The following HS2ST1 variants were observed in gnomAD, a reference collection of about 807,000 sequenced individuals.
The protein encoded by HS2ST1 is 2-O-sulfotransferase.
A neutral mutation model predicts 42.9 loss-of-function variants in HS2ST1; 18 were observed. That is an observed-to-expected ratio of 0.42 (90% CI 0.29 to 0.62). HS2ST1 has a LOEUF of 0.62. HS2ST1 is among the 20% of genes least tolerant of loss of function. HS2ST1 has a pLI of 0.21. For missense variants in HS2ST1, 334 were observed against 433.8 expected (o/e 0.77, Z 2.04); for synonymous variants, 146 against 152.9 (o/e 0.95, Z 0.33).
intron 1 of HS2ST1, among the ~76,000 whole-genome samples, chr1:86,953,295 A>G (rs889124733): frequency 1.8e-4 from 27 of 152,192 alleles, no homozygotes; most frequent in Admixed American, 2.6e-4. Flanking sequence ...GGTCACTTAA[A>G]CTTTCTCCAT....
chr1:86,933,707 T>A (rs1660587358), intron 1 of HS2ST1, among the ~76,000 whole-genome samples: 1 of 22,474 alleles, frequency 4.4e-5, no homozygotes, highest in Admixed American at 3.5e-4. Context: ...TGCCTTGTAA[T>A]TTTTTTTTTT....
intron 1 of HS2ST1, among the ~76,000 whole-genome samples, chr1:86,954,353 A>C (rs1185638057): frequency 6.6e-6 from 1 of 152,192 alleles, no homozygotes; most frequent in Non-Finnish European, 1.5e-5. Context: ...TGTCTCCAAA[A>C]AAAAAGGCAG....
chr1:86,916,717 A>G (rs977472960), intron 1 of HS2ST1, among the ~76,000 whole-genome samples: 11 of 152,202 alleles, frequency 7.2e-5, no homozygotes, highest in African/African-American at 2.7e-4. Context: ...ATTTAGCGAC[A>G]TTCAGGGTCA....
chr1:87,039,361 A>C (rs936479506), intron 1 of HS2ST1, among the ~76,000 whole-genome samples: 2 of 152,178 alleles, frequency 1.3e-5, no homozygotes, highest in Admixed American at 1.3e-4. Context: ...TATCTTTGCT[A>C]TTCTGGACTG....
chr1:87,045,540 G>A (rs940114531), intron 1 of HS2ST1: 1 of 812,810 alleles, frequency 1.2e-6, no homozygotes, highest in African/African-American at 1.7e-5. Flanking sequence ...ATTGGGGTTG[G>A]GAGGATCCAG....
intron 1 of HS2ST1, among the ~76,000 whole-genome samples, chr1:87,005,767 T>C (rs1285125620): frequency 6.6e-6 from 1 of 152,064 alleles, no homozygotes; most frequent in African/African-American, 2.4e-5. Context: ...TTCTCCTCAG[T>C]CATATTACCA....
intron 1 of HS2ST1, among the ~76,000 whole-genome samples, chr1:87,071,808 A>G (rs1414338328): frequency 6.6e-6 from 1 of 151,868 alleles, no homozygotes; most frequent in Non-Finnish European, 1.5e-5. Context: ...GTTGAAATGT[A>G]AAGGTTGGGT....
chr1:86,935,955 C>T (rs1214085896), intron 1 of HS2ST1, among the ~76,000 whole-genome samples: 1 of 152,144 alleles, frequency 6.6e-6, no homozygotes, highest in Non-Finnish European at 1.5e-5. Context: ...TTATCAAACA[C>T]AGGAAATCGA....
At chr1:86,939,714 G>C (rs991149265) in intron 1 of HS2ST1, among the ~76,000 whole-genome samples, 1 of 152,106 alleles carries the variant, frequency 6.6e-6, no homozygotes, top group African/African-American at 2.4e-5. Flanking sequence ...ACAATAACAC[G>C]TGTTAAAATT....
chr1:87,038,214 A>T (rs369474684), intron 1 of HS2ST1, among the ~76,000 whole-genome samples: 2 of 152,098 alleles, frequency 1.3e-5, no homozygotes, highest in Admixed American at 1.3e-4. Context: ...CAGTTATCTC[A>T]TAATCTTATA....
chr1:87,094,665 A>G (rs548250212), intron 4 of HS2ST1, among the ~76,000 whole-genome samples: 2 of 151,980 alleles, frequency 1.3e-5, no homozygotes, highest in Non-Finnish European at 2.9e-5. Context: ...AACGTGATCC[A>G]AAGTTGCATA....
chr1:87,070,230 G>A (rs1202714592), intron 1 of HS2ST1, among the ~76,000 whole-genome samples: 1 of 152,156 alleles, frequency 6.6e-6, no homozygotes, highest in African/African-American at 2.4e-5. Context: ...GAGGGTGTTT[G>A]GACGTAACAT....
rs140614857 is a variant in HS2ST1, at chr1:87,030,548, A to C, written c.125-42386A>C. 4.6e-3 allele frequency among the ~76,000 whole-genome samples: 702 copies of C among 152,296 alleles called. 4 individuals are homozygous for C. The highest frequency in any genetic ancestry group is 0.02 in the Middle Eastern group (6 of 294). ...TGCACACGCACACACGCACACACAC[A>C]TGCCTCTCCACTTGAAATAAAAATA... On this transcript the variant is annotated intron_variant, in intron 1 of 6. Transcript: ENST00000370550.
At chr1:87,086,454 T>C (rs1230301092) in intron 3 of HS2ST1, among the ~76,000 whole-genome samples, 1 of 152,196 alleles carries the variant, frequency 6.6e-6, no homozygotes, top group Non-Finnish European at 1.5e-5. Context: ...GCATAGTACT[T>C]TGTGGAGTCC....
chr1:87,104,493 A>G lies in HS2ST1; in HGVS notation c.868A>G (p.Thr290Ala). 6.2e-7 allele frequency: 1 copy of G among 1,610,958 alleles called. No homozygotes were observed. Among genetic ancestry groups the G allele is most frequent in the Non-Finnish European group, 8.5e-7 (1 of 1,178,194 alleles). Reference protein sequence around the residue: ...RTGKKSHLRKTTEKKLPTKQT... With the variant: ...RTGKKSHLRKATEKKLPTKQT... ...AGGAAAGAAATCTCATCTTAGGAAAACCACAGAGAAGAAACTCCCCACTAA... is the reference window on the plus strand; with the variant it reads ...AGGAAAGAAATCTCATCTTAGGAAAGCCACAGAGAAGAAACTCCCCACTAA... Residue 290 changes from threonine to alanine, a missense_variant, in exon 7 of 7, where the codon ACC becomes GCC. By Grantham distance (58) the Thr-to-Ala change is moderately conservative (BLOSUM62 0). Coordinates refer to ENST00000370550, the MANE Select transcript of HS2ST1 (RefSeq NM_012262.4).
chr1:87,070,436 C>T (rs897875081), intron 1 of HS2ST1, among the ~76,000 whole-genome samples: 6 of 151,882 alleles, frequency 4.0e-5, no homozygotes, highest in African/African-American at 1.5e-4. Flanking sequence ...ACAAAAAATA[C>T]AAAAATTAGC....
At chr1:86,941,485 A>T (rs1660761458) in intron 1 of HS2ST1, among the ~76,000 whole-genome samples, 1 of 151,870 alleles carries the variant, frequency 6.6e-6, no homozygotes, top group Non-Finnish European at 1.5e-5. Context: ...TAAAAAAAAA[A>T]TTACAGCCGG....
At chr1:86,997,399 G>A (rs997506356) in intron 1 of HS2ST1, among the ~76,000 whole-genome samples, 14 of 152,100 alleles carry the variant, frequency 9.2e-5, no homozygotes, top group African/African-American at 3.1e-4. Flanking sequence ...GATTGAGTTC[G>A]AATGCATAAG....
At chr1:87,032,655 A>G (rs531481726) in intron 1 of HS2ST1, among the ~76,000 whole-genome samples, 16 of 152,272 alleles carry the variant, frequency 1.1e-4, no homozygotes, top group African/African-American at 2.9e-4. Context: ...TTAATTTACA[A>G]TGTAATCAGG....
Sources: gnomAD v4.1 joint callset for allele counts (sites outside exome capture counted in the v4.1 genomes callset) on GRCh38, gnomAD v4.1.1 for gene constraint, MANE v1.5 for transcripts, NCBI Gene and HGNC (gene_info 2026-07-23, HGNC 2026-07-21) for gene names.